Variants in IL6R observed in about 807,000 individuals in gnomAD.
IL6R encodes interleukin 6 receptor, also known as interleukin-6 receptor subunit alpha.
A neutral mutation model predicts 48.3 loss-of-function variants in IL6R; 38 were observed. That is an observed-to-expected ratio of 0.79 (90% CI 0.61 to 1.03). The LOEUF is 1.03. Among genes scored for constraint, IL6R ranks in the 50% least tolerant of loss-of-function variants. The pLI is 0.00. For synonymous variants in IL6R, 264 were observed against 256.2 expected, an observed-to-expected ratio of 1.03 and a Z score of -0.29; for missense variants, 534 against 618.3, an observed-to-expected ratio of 0.86 and a Z score of 1.45.
chr1:154,430,712 A>G, intron 3 of IL6R, 106 bp downstream of exon 3: 2 of 1,436,996 alleles, frequency 1.4e-6, no homozygotes, highest in African/African-American at 1.4e-5. Context: ...TTAGGAATTA[A>G]TTCCTTCAGG....
chr1:154,456,533 G>A (rs1411602130), intron 9 of IL6R, among the ~76,000 whole-genome samples: 1 of 152,114 alleles, frequency 6.6e-6, no homozygotes, highest in East Asian at 1.9e-4. Context: ...AGGTAGAATT[G>A]ACAAGGCTTG....
chr1:154,459,898 C>T (rs1691145311), intron 9 of IL6R, among the ~76,000 whole-genome samples: 1 of 152,098 alleles, frequency 6.6e-6, no homozygotes, highest in African/African-American at 2.4e-5. Context: ...AACATCATTT[C>T]GTTTTGAATG....
At chr1:154,435,770 G>C (rs2149245405) in intron 5 of IL6R, among the ~76,000 whole-genome samples, 199 bp from the exon 6 acceptor site, 1 of 152,336 alleles carries the variant, frequency 6.6e-6, no homozygotes, top group African/African-American at 2.4e-5. Context: ...GTGCATGGGT[G>C]GGGCAGGGAC....
intron 1 of IL6R, among the ~76,000 whole-genome samples, chr1:154,427,010 C>T (rs1212962246): frequency 2.0e-5 from 3 of 151,972 alleles, no homozygotes; most frequent in African/African-American, 7.3e-5. Flanking sequence ...GCTCCGCCTC[C>T]CTGGTTCAAG....
chr1:154,410,767 C>T (rs1379047368), intron 1 of IL6R, among the ~76,000 whole-genome samples: 2 of 152,196 alleles, frequency 1.3e-5, no homozygotes, highest in South Asian at 2.1e-4. Flanking sequence ...TGAGGCCCTG[C>T]ATCCAGCCTA....
At chr1:154,429,086 C>A in intron 1 of IL6R, 110 bp from the exon 2 acceptor site, 1 of 1,243,036 alleles carries the variant, frequency 8.0e-7, no homozygotes, top group Non-Finnish European at 1.1e-6. Context: ...TGACGGTAGC[C>A]TGGGCCACTT....
intron 1 of IL6R, among the ~76,000 whole-genome samples, chr1:154,422,746 C>T (rs1024242916): frequency 6.6e-6 from 1 of 152,234 alleles, no homozygotes; most frequent in Non-Finnish European, 1.5e-5. Flanking sequence ...CCCCCGCGTG[C>T]CCCGTCTCCT....
chr1:154,438,329 T>G (rs1371883140), intron 6 of IL6R, among the ~76,000 whole-genome samples: 1 of 151,858 alleles, frequency 6.6e-6, no homozygotes, highest in Non-Finnish European at 1.5e-5. Context: ...CAGAGAGTGG[T>G]CAGCCAGCCT....
intron 6 of IL6R, among the ~76,000 whole-genome samples, chr1:154,440,495 C>G (rs1689872386): frequency 6.6e-6 from 1 of 152,168 alleles, no homozygotes; most frequent in African/African-American, 2.4e-5. Context: ...TCCACAGTGG[C>G]TGCACCATTT....
At chr1:154,430,765 C>T (rs1485335090) in intron 3 of IL6R, among the ~76,000 whole-genome samples, 159 bp downstream of exon 3, 2 of 152,208 alleles carry the variant, frequency 1.3e-5, no homozygotes, top group Admixed American at 6.5e-5. Context: ...TTACATTTGA[C>T]TGCCCCCCCT....
chr1:154,451,128 A>G (rs1006445898), intron 8 of IL6R, among the ~76,000 whole-genome samples: 1 of 152,238 alleles, frequency 6.6e-6, no homozygotes, highest in African/African-American at 2.4e-5. Flanking sequence ...TTGAAAGAGT[A>G]TATCAAGCTG....
chr1:154,454,273 T>C, intron 8 of IL6R: 1 of 578,874 alleles, frequency 1.7e-6, no homozygotes, highest in South Asian at 2.1e-5. Context: ...GTGGGCTTTG[T>C]TAAGAAACAA....
intron 9 of IL6R, among the ~76,000 whole-genome samples, chr1:154,455,314 C>T (rs1690808278): frequency 6.6e-6 from 1 of 152,038 alleles, no homozygotes; most frequent in Non-Finnish European, 1.5e-5. Context: ...CAATATGGGG[C>T]AGGAAGAGTG....
chr1:154,432,684 G>A (rs1172323562), intron 3 of IL6R, among the ~76,000 whole-genome samples: 6 of 152,236 alleles, frequency 3.9e-5, no homozygotes, highest in African/African-American at 1.4e-4. Context: ...CATGTTGACA[G>A]CGGGAGTGGG....
intron 8 of IL6R, among the ~76,000 whole-genome samples, chr1:154,453,901 G>A (rs563469161): frequency 6.6e-6 from 1 of 152,188 alleles, no homozygotes; most frequent in South Asian, 2.1e-4. Flanking sequence ...AACGTGTGTG[G>A]AGAGCCCTGG....
rs1558292293 is a variant in IL6R at position 154,405,390 on chromosome 1, G to C, written c.-240G>C. The C allele has an allele frequency of 3.9e-6, 2 of 513,426 alleles. No homozygotes were observed. The highest frequency in any genetic ancestry group is 6.8e-6 in the Non-Finnish European group (2 of 292,956). 31.8% of individuals were successfully genotyped at this position (513,426 alleles called of 1,614,324 possible). On this transcript the variant is annotated 5_prime_UTR_variant, in exon 1 of 10. Transcript: ENST00000368485. This position sits in a 1 kb window ranked among gnomAD's most constrained non-coding sequence, Gnocchi z 5.2. Reference sequence around the variant, plus strand: ...GACCGTCCGCCGCTCTGAGTCATGTGCGAGTGGGAAGTCGCACTGACACTG... The same window carrying C: ...GACCGTCCGCCGCTCTGAGTCATGTCCGAGTGGGAAGTCGCACTGACACTG...
At position 154,427,164 on chromosome 1, in the gene IL6R, C is replaced by T. The variant is rs192923272; in HGVS notation, c.86-2032C>T. On this transcript the variant is annotated intron_variant, in intron 1 of 9. Coordinates refer to ENST00000368485, the MANE Select transcript of IL6R (RefSeq NM_000565.4). The stretch of plus-strand genomic sequence containing the variant: ...CGATCTCTTGACTTGTGATCCGTCT[C>T]GCCTCGGCCTCCCAAAGTGCTGGGA... Among the ~76,000 whole-genome samples the T allele has an allele frequency of 3.3e-4, 50 of 152,228 alleles. No homozygotes were observed. The East Asian group carries it at 9.5e-3, about 29-fold the overall frequency.
chr1:154,440,854 T>A (rs962164777), intron 6 of IL6R, among the ~76,000 whole-genome samples: 1 of 152,088 alleles, frequency 6.6e-6, no homozygotes, highest in Non-Finnish European at 1.5e-5. Context: ...GGCTTTGCCA[T>A]GTTGGCGAGG....
chr1:154,405,828 C>T lies in IL6R; in HGVS notation c.85+114C>T. On this transcript the variant is annotated intron_variant, in intron 1 of 9. Transcript: ENST00000368485. This position sits in a 1 kb window ranked among gnomAD's most constrained non-coding sequence, Gnocchi z 5.2. ...GGAGGAAAGGAGGTGCGACGGATCC[C>T]CTTTTCTGTGGCTGCCTTGAGGCCC... The T allele has an allele frequency of 3.7e-6, 3 of 806,664 alleles. No homozygotes were observed. The highest frequency in any genetic ancestry group is 3.6e-6 in the Non-Finnish European group (2 of 550,668). The allele number at this position is 806,664 out of a possible 1,614,324, so 50.0% of individuals were successfully genotyped here.
Sources: gnomAD v4.1 joint callset for allele counts (sites outside exome capture counted in the v4.1 genomes callset) on GRCh38, gnomAD v4.1.1 for gene constraint, Gnocchi (gnomAD v3.1) non-coding constraint, MANE v1.5 for transcripts, NCBI Gene and HGNC (gene_info 2026-07-23, HGNC 2026-07-21) for gene names.